The following KLF11 variants were observed in gnomAD, a reference collection of about 807,000 sequenced individuals.
KLF11 encodes Krueppel-like factor 11.
A neutral mutation model predicts 29.9 loss-of-function variants in KLF11; 26 were observed. That is an observed-to-expected ratio of 0.87 (90% confidence interval 0.64 to 1.21). The LOEUF is 1.21. Ranked by LOEUF, KLF11 falls within the 50% of genes most tolerant of loss-of-function variation. The pLI, the probability that KLF11 is intolerant of heterozygous loss-of-function variation, is 0.00. For missense variants in KLF11, 778 were observed against 665.7 expected, an observed-to-expected ratio of 1.17 and a Z score of -1.86; for synonymous variants, 318 against 257.4, an observed-to-expected ratio of 1.24 and a Z score of -2.25.
chr2:10,053,270 A>T lies in KLF11; in HGVS notation c.*763A>T, dbSNP rs1661462193. The T allele has an allele frequency of 2.5e-6, 1 of 398,592 alleles. No homozygotes were observed. The highest frequency in any genetic ancestry group is 1.3e-4 in the South Asian group (1 of 7,856). The allele number at this position is 398,592 out of a possible 1,614,324, so 24.7% of individuals were successfully genotyped here. A position where few individuals can be genotyped will look rare whatever the true frequency, so the allele number is the denominator to read the frequency against. ...ATGAGCCACTGGGCAGATCCCAGGG[A>T]CCAGTACTTGCTGCAGGATCTAGTC... On this transcript the variant is annotated 3_prime_UTR_variant, in exon 4 of 4. Coordinates refer to ENST00000305883, the MANE Select transcript of KLF11 (RefSeq NM_003597.5).
chr2:10,047,434 C>T (rs1228233594), intron 2 of KLF11, among the ~76,000 whole-genome samples: 1 of 152,162 alleles, frequency 6.6e-6, no homozygotes, highest in Non-Finnish European at 1.5e-5. Flanking sequence ...GAGTTCCCTG[C>T]ACTGGGCTCT....
intron 1 of KLF11, 146 bp from the exon 2 acceptor site, chr2:10,046,004 C>T (rs1661186024): frequency 8.6e-6 from 8 of 930,654 alleles, no homozygotes; most frequent in Admixed American, 5.2e-5. Context: ...ATGTCTTTTA[C>T]TACACCTCGG....
At position 10,052,383 on chromosome 2, in the gene KLF11, A is replaced by G; in HGVS notation, c.1415A>G (p.His472Arg). 2.5e-6 allele frequency: 4 copies of G among 1,614,176 alleles called. No homozygotes were observed. Among genetic ancestry groups the G allele is most frequent in the Non-Finnish European group, 3.4e-6 (4 of 1,180,036 alleles). ...ATGCGCAGTGACCACCTGACGAAGCATGCCCGGCGCCACATGACGACCAAG... is the reference window on the plus strand; with the variant it reads ...ATGCGCAGTGACCACCTGACGAAGCGTGCCCGGCGCCACATGACGACCAAG... ...RFMRSDHLTK[H>R]ARRHMTTKKI... The change falls in exon 4 of 4, where the codon CAT (histidine) becomes CGT (arginine). Residue 472 changes from histidine (H) to arginine (R), a missense_variant. By Grantham distance (29) the His-to-Arg change is conservative. Coordinates refer to ENST00000305883, the MANE Select transcript of KLF11 (RefSeq NM_003597.5).
chr2:10,044,119 T>TTG (rs1661098869), intron 1 of KLF11: 2 of 130,734 alleles, frequency 1.5e-5, no homozygotes, highest in Admixed American at 1.0e-3. Flanking sequence ...GCACGCGGCC[T>TTG]TGGGGGCGGG....
At chr2:10,046,039 T>C in intron 1 of KLF11, 111 bp from the exon 2 acceptor site, 1 of 1,189,466 alleles carries the variant, frequency 8.4e-7, no homozygotes, top group Non-Finnish European at 1.3e-6. Context: ...GACTATTGCA[T>C]GTGCATTACA....
At position 10,052,325 on chromosome 2, in the gene KLF11, A is replaced by T. The variant is rs777077418; in HGVS notation, c.1357A>T (p.Lys453Ter). ...CCGCAGAACTCACACAGGGGAGAAG[A>T]AGTTTGTGTGCCCGGTGTGTGACCG... ...RHRRTHTGEK[K>*]FVCPVCDRRF... Residue 453 changes from lysine (K) to a stop codon, truncating the protein, a stop_gained, in exon 4 of 4, where the codon AAG becomes TAG. Coordinates refer to ENST00000305883, the MANE Select transcript of KLF11 (RefSeq NM_003597.5). LOFTEE classifies it high-confidence loss of function. 8.7e-6 allele frequency: 14 copies of T among 1,614,078 alleles called. No individual in the cohort carries two copies. The East Asian group carries it at 8.9e-5, about 10-fold the overall frequency.
chr2:10,045,446 G>A (rs1171790072), intron 1 of KLF11, among the ~76,000 whole-genome samples: 1 of 151,816 alleles, frequency 6.6e-6, no homozygotes, highest in Non-Finnish European at 1.5e-5. Context: ...GCAGTGAGCC[G>A]AGATTGTGCC....
At chr2:10,044,114 C>G in intron 1 of KLF11, 4 of 610,600 alleles carry the variant, frequency 6.6e-6, no homozygotes, top group South Asian at 7.3e-5. Flanking sequence ...ACGCGGCACG[C>G]GGCCTTGGGG....
Position 10,054,772 on chromosome 2 carries a change from T to G in KLF11, c.*2265T>G, listed in dbSNP as rs757068768. On this transcript the variant is annotated 3_prime_UTR_variant, in exon 4 of 4. Transcript: ENST00000305883. ...TGTTTTATGTAACAGACTTTGACAT[T>G]ATTTAAACGAGCATGTGTAATGTAA... 6.6e-6 allele frequency: 1 copy of G among 152,634 alleles called. No homozygotes were observed. Among genetic ancestry groups the G allele is most frequent in the Non-Finnish European group, 1.5e-5 (1 of 68,046 alleles). 9.5% of individuals were successfully genotyped at this position (152,634 alleles called of 1,614,324 possible).
intron 1 of KLF11, chr2:10,044,199 G>C: frequency 1.1e-6 from 1 of 918,366 alleles, no homozygotes; most frequent in Non-Finnish European, 1.3e-6. Context: ...CGGGTTAAGA[G>C]CGGCTAGCGG....
rs1661056265 is a variant in KLF11 at position 10,043,566 on chromosome 2, CG to C, written c.-147del. 1 of 363,116 alleles carries C rather than the reference CG, an allele frequency of 2.8e-6. No individual in the cohort carries two copies. 22.5% of individuals were successfully genotyped at this position (363,116 alleles called of 1,614,324 possible). A position where few individuals can be genotyped will look rare whatever the true frequency, so the allele number is the denominator to read the frequency against. ...CCCTCCCGCGCCGCGAGGGCCGCGC[CG>C]GGGCAGAGCCGCGCGGGCGGGCGAG... is the stretch of plus-strand genomic sequence containing the variant. On this transcript the variant is annotated 5_prime_UTR_variant, in exon 1 of 4. Coordinates refer to ENST00000305883, the MANE Select transcript of KLF11 (RefSeq NM_003597.5).
At chr2:10,044,664 G>C (rs1000552546) in intron 1 of KLF11, among the ~76,000 whole-genome samples, 8 of 66,198 alleles carry the variant, frequency 1.2e-4, no homozygotes, top group Non-Finnish European at 2.7e-4. Context: ...TTTTTTTTTT[G>C]ATAGGGAGTC....
In KLF11 at chr2:10,054,388, T is replaced by C. The variant is rs1031284658; in HGVS notation, c.*1881T>C. ...AGTATTTGGTTGCTTGTCACAACAT[T>C]CTCCAAGCAGTGATATTTCTAAAGA... On this transcript the variant is annotated 3_prime_UTR_variant, in exon 4 of 4. Transcript: ENST00000305883. 1.3e-5 allele frequency: 2 copies of C among 152,358 alleles called. No individual in the cohort carries two copies. The highest frequency in any genetic ancestry group is 4.8e-5 in the African/African-American group (2 of 41,464). The allele number at this position is 152,358 out of a possible 1,614,324, so 9.4% of individuals were successfully genotyped here.
Position 10,053,422 on chromosome 2 carries a change from T to C in KLF11, c.*915T>C. 2.5e-6 allele frequency: 1 copy of C among 398,658 alleles called. No individual in the cohort carries two copies. The highest frequency in any genetic ancestry group is 4.4e-6 in the Non-Finnish European group (1 of 226,072). 24.7% of individuals were successfully genotyped at this position (398,658 alleles called of 1,614,324 possible). A position where few individuals can be genotyped will look rare whatever the true frequency, so the allele number is the denominator to read the frequency against. ...AATTGTCAGTTCTGACTCCTTTTGC[T>C]GTGGCCTTATCCGTACTATATTGTG... is the stretch of plus-strand genomic sequence containing the variant. On this transcript the variant is annotated 3_prime_UTR_variant, in exon 4 of 4. Transcript: ENST00000305883.
chr2:10,045,213 G>A (rs938457919), intron 1 of KLF11, among the ~76,000 whole-genome samples: 1 of 151,966 alleles, frequency 6.6e-6, no homozygotes, highest in Non-Finnish European at 1.5e-5. Flanking sequence ...ATCGCCTGAG[G>A]TCAGGAGTTG....
chr2:10,051,728 A>G (rs552101220), intron 3 of KLF11, among the ~76,000 whole-genome samples: 23 of 144,806 alleles, frequency 1.6e-4, no homozygotes, highest in Middle Eastern at 7.9e-3. Context: ...CGTGTTAGCC[A>G]GGATGGTCTC....
At chr2:10,044,176 C>T (rs1661102296) in intron 1 of KLF11, 3 of 739,018 alleles carry the variant, frequency 4.1e-6, no homozygotes, top group Non-Finnish European at 4.8e-6. Flanking sequence ...GGGCGGGGCA[C>T]GCGGCCGTCG....
Position 10,048,420 on chromosome 2 carries a change from C to T in KLF11, c.1083C>T (p.Ala361=), listed in dbSNP as rs371102481. The change falls in exon 3 of 4, where the codon GCC becomes GCT. Residue 361 remains alanine, a synonymous_variant. Transcript: ENST00000305883. ...CCTGTGCAGCCAATGTCATGGCTGCCGGGAATACCAAGTTGTTGCCCCTTG... is the reference window on the plus strand; with the variant it reads ...CCTGTGCAGCCAATGTCATGGCTGCTGGGAATACCAAGTTGTTGCCCCTTG... ...PAPCAANVMA[A]GNTKLLPLAP... is the part of the protein sequence containing the mutation. The T allele has an allele frequency of 1.9e-5, 31 of 1,613,952 alleles. No individual in the cohort carries two copies. Among genetic ancestry groups the T allele is most frequent in the South Asian group, 5.5e-5 (5 of 91,092 alleles).
Position 10,053,523 on chromosome 2 carries a change from G to C in KLF11, c.*1016G>C. The C allele has an allele frequency of 5.0e-6, 2 of 398,248 alleles. No individual in the cohort carries two copies. 24.7% of individuals were successfully genotyped at this position (398,248 alleles called of 1,614,324 possible). A position where few individuals can be genotyped will look rare whatever the true frequency, so the allele number is the denominator to read the frequency against. On this transcript the variant is annotated 3_prime_UTR_variant, in exon 4 of 4. Coordinates refer to ENST00000305883, the MANE Select transcript of KLF11 (RefSeq NM_003597.5). Reference sequence around the variant, plus strand: ...AACTCCACCAGAGCACAGCTTAGCTGGGGCGAGATGCATGTGAAGGCAGGC... The same window carrying C: ...AACTCCACCAGAGCACAGCTTAGCTCGGGCGAGATGCATGTGAAGGCAGGC...
Sources: allele counts gnomAD v4.1 joint callset (sites outside exome capture counted in the v4.1 genomes callset), GRCh38; gene constraint gnomAD v4.1.1; transcripts MANE v1.5; gene names NCBI Gene and HGNC (gene_info 2026-07-23, HGNC 2026-07-21).